Variants in CRADD observed in about 807,000 individuals in gnomAD.
CRADD encodes CARD and death domain containing adaptor protein.
Under a neutral mutation model 15.5 loss-of-function variants are expected in CRADD, and 9 were observed. That is an observed-to-expected ratio of 0.58 (90% CI 0.35 to 1.01). The LOEUF is 1.01. Ranked by LOEUF, CRADD falls within the 50% of genes least tolerant of loss-of-function variation. The pLI, the probability that CRADD is intolerant of heterozygous loss-of-function variation, is 0.02. For missense variants in CRADD, 227 were observed against 250.3 expected (o/e 0.91, Z 0.63); for synonymous variants, 118 against 107.6 (o/e 1.10, Z -0.60).
At chr12:93,705,501 T>C (rs1955927775) in intron 2 of CRADD, among the ~76,000 whole-genome samples, 1 of 152,172 alleles carries the variant, frequency 6.6e-6, no homozygotes, top group Admixed American at 6.5e-5. Flanking sequence ...AGAGATGCAT[T>C]GGAAATACAT....
intron 2 of CRADD, among the ~76,000 whole-genome samples, chr12:93,761,043 G>C (rs1592967674): frequency 6.6e-6 from 1 of 152,106 alleles, no homozygotes; most frequent in Non-Finnish European, 1.5e-5. Context: ...GTGAGAAGGG[G>C]TAGGAGATGA....
chr12:93,691,434 A>G (rs540873215), intron 2 of CRADD, among the ~76,000 whole-genome samples: 74 of 152,026 alleles, frequency 4.9e-4, no homozygotes, highest in African/African-American at 1.8e-3. Flanking sequence ...TTGTATTGTT[A>G]GTAGAGACAG....
intron 2 of CRADD, among the ~76,000 whole-genome samples, chr12:93,825,623 A>G (rs1205145858): frequency 1.3e-5 from 2 of 152,226 alleles, no homozygotes; most frequent in Middle Eastern, 3.4e-3. Flanking sequence ...GACTTCTCTT[A>G]TTTCTCTTCT....
intron 2 of CRADD, among the ~76,000 whole-genome samples, chr12:93,756,140 C>G (rs1279935818): frequency 6.6e-6 from 1 of 152,192 alleles, no homozygotes; most frequent in Non-Finnish European, 1.5e-5. Flanking sequence ...ATCTAAAACA[C>G]TAAAAAATTT....
At chr12:93,684,393 C>T (rs959031208) in intron 2 of CRADD, among the ~76,000 whole-genome samples, 1 of 152,152 alleles carries the variant, frequency 6.6e-6, no homozygotes, top group Non-Finnish European at 1.5e-5. Flanking sequence ...ACAATAGGTT[C>T]ATGCTCCTAT....
chr12:93,747,555 G>A lies in CRADD; in HGVS notation c.298+68483G>A, dbSNP rs183419790. 3.6e-3 allele frequency among the ~76,000 whole-genome samples: 535 copies of A among 150,220 alleles called. 3 individuals are homozygous for A. Among genetic ancestry groups the A allele is most frequent in the Non-Finnish European group, 3.2e-3 (217 of 67,674 alleles). ...AGCTCACCACAACCTCCACCTCCCC[G>A]CCTCCCAGGTTCAAGTGATTCTCCT... On this transcript the variant is annotated intron_variant, in intron 2 of 2. Coordinates refer to ENST00000332896, the MANE Select transcript of CRADD (RefSeq NM_003805.5).
chr12:93,725,357 T>G (rs1340930407), intron 2 of CRADD, among the ~76,000 whole-genome samples: 2 of 152,218 alleles, frequency 1.3e-5, no homozygotes, highest in Non-Finnish European at 2.9e-5. Flanking sequence ...CACCAACTAC[T>G]GCATATACTC....
At chr12:93,686,831 G>T (rs1955452253) in intron 2 of CRADD, among the ~76,000 whole-genome samples, 1 of 152,076 alleles carries the variant, frequency 6.6e-6, no homozygotes, top group Non-Finnish European at 1.5e-5. Context: ...CGCAATCTTG[G>T]CTTCCCACTG....
chr12:93,710,398 T>G (rs1443610388), intron 2 of CRADD, among the ~76,000 whole-genome samples: 2 of 144,756 alleles, frequency 1.4e-5, no homozygotes, highest in Non-Finnish European at 3.0e-5. Context: ...CAGGCTGGAG[T>G]GCAGTGGCAC....
At chr12:93,861,814 T>C (rs532706285) in intron 2 of CRADD, among the ~76,000 whole-genome samples, 8 of 152,296 alleles carry the variant, frequency 5.3e-5, no homozygotes, top group African/African-American at 1.9e-4. Context: ...GTTCTGAATA[T>C]ATTTTATTTC....
rs527687793 is a variant in CRADD, at chr12:93,711,358, A to G, written c.298+32286A>G. Among the ~76,000 whole-genome samples, 7 of 152,160 alleles carry G rather than the reference A, an allele frequency of 4.6e-5. No individual in the cohort carries two copies. In the East Asian group the frequency reaches 1.4e-3, roughly 29 times the overall value. ...TTCACTGTCCTTGTTTCTCTGATTC[A>G]ATTCTTGCTTCCTACAGTTGATTTC... On this transcript the variant is annotated intron_variant, in intron 2 of 2. Coordinates refer to ENST00000332896, the MANE Select transcript of CRADD (RefSeq NM_003805.5).
intron 2 of CRADD, among the ~76,000 whole-genome samples, chr12:93,807,820 C>T (rs1013904870): frequency 3.3e-5 from 5 of 151,532 alleles, no homozygotes; most frequent in Admixed American, 1.3e-4. Context: ...AAGTATTTAT[C>T]GGGTGCCTGC....
intron 2 of CRADD, among the ~76,000 whole-genome samples, chr12:93,784,853 CAAAG>C (rs892483479): frequency 1.3e-5 from 2 of 152,156 alleles, no homozygotes; most frequent in African/African-American, 4.8e-5. Context: ...AAACAAATGT[CAAAG>C]AAACACCACT....
At chr12:93,871,542 C>A (rs1010300149) in intron 2 of CRADD, among the ~76,000 whole-genome samples, 5 of 152,110 alleles carry the variant, frequency 3.3e-5, no homozygotes, top group Non-Finnish European at 7.4e-5. Flanking sequence ...CATTAACTAT[C>A]CTTCACCTCT....
At chr12:93,740,322 TTCTC>T (rs975840295) in intron 2 of CRADD, among the ~76,000 whole-genome samples, 1 of 152,170 alleles carries the variant, frequency 6.6e-6, no homozygotes, top group African/African-American at 2.4e-5. Context: ...ATCTAAATAT[TTCTC>T]TTTTTCATTA....
chr12:93,686,304 C>CCAAAAAAAAAAAAAAAAA (rs1555214312), intron 2 of CRADD, among the ~76,000 whole-genome samples: 1 of 65,982 alleles, frequency 1.5e-5, no homozygotes, highest in Non-Finnish European at 2.7e-5. Flanking sequence ...CCATCCCCCC[C>CCAAAAAAAAAAAAAAAAA]AAAAAAAAAA....
rs372518605 is a variant in CRADD at position 93,888,374 on chromosome 12, G to A, written c.299-5676G>A. 2.5e-4 allele frequency among the ~76,000 whole-genome samples: 37 copies of A among 148,914 alleles called. No individual in the cohort carries two copies. In the East Asian group the frequency reaches 3.2e-3, roughly 13 times the overall value. The stretch of plus-strand genomic sequence containing the variant: ...CGGGAGGCGGAGCTTGCAGTGAGCC[G>A]AGATCGTGCCACTGCACTCCAGCCT... On this transcript the variant is annotated intron_variant, in intron 2 of 2. Transcript: ENST00000548483.
intron 2 of CRADD, chr12:93,737,623 G>A (rs1291629098): frequency 6.6e-6 from 1 of 152,224 alleles, no homozygotes; most frequent in African/African-American, 2.4e-5. Flanking sequence ...ATGGGATTGG[G>A]TGGTTTCTTT....
rs368436600 is a variant in CRADD at position 93,768,748 on chromosome 12, G to C, written c.299-81222G>C. On this transcript the variant is annotated intron_variant, in intron 2 of 2. Coordinates refer to ENST00000332896, the MANE Select transcript of CRADD (RefSeq NM_003805.5). Reference sequence around the variant, plus strand: ...ATCCTAAGTGTACAACTCAGTTTATGATCACAAAGTGAACACATCCATTTA... The same window carrying C: ...ATCCTAAGTGTACAACTCAGTTTATCATCACAAAGTGAACACATCCATTTA... Among the ~76,000 whole-genome samples, 22 of 152,214 alleles carry C rather than the reference G, an allele frequency of 1.4e-4. 2 individuals are homozygous for C. The highest frequency in any genetic ancestry group is 1.2e-3 in the Admixed American group (19 of 15,294).
Sources: allele counts gnomAD v4.1 joint callset (sites outside exome capture counted in the v4.1 genomes callset), GRCh38; gene constraint gnomAD v4.1.1; transcripts MANE v1.5; gene names NCBI Gene and HGNC (gene_info 2026-07-23, HGNC 2026-07-21).